The following NTM variants were observed in gnomAD, a reference collection of about 807,000 sequenced individuals.
The protein encoded by NTM is neurotrimin, also known as IgLON family member 2.
Under a neutral mutation model 42.1 loss-of-function variants are expected in NTM, and 13 were observed. That is an observed-to-expected ratio of 0.31 (90% CI 0.20 to 0.49). NTM has a LOEUF of 0.49. NTM is among the 20% of genes least tolerant of loss of function. NTM has a pLI of 0.99. For missense variants in NTM, 373 were observed against 452.8 expected, an observed-to-expected ratio of 0.82 and a Z score of 1.60; for synonymous variants, 187 against 179.2, an observed-to-expected ratio of 1.04 and a Z score of -0.35.
At chr11:131,613,952 A>ATTCTC (rs978320836) in intron 1 of NTM, among the ~76,000 whole-genome samples, 14 of 152,052 alleles carry the variant, frequency 9.2e-5, no homozygotes, top group Non-Finnish European at 7.4e-5. Flanking sequence ...TGTCTGTGAA[A>ATTCTC]TTCTCTTTCT....
intron 2 of NTM, among the ~76,000 whole-genome samples, chr11:132,001,204 G>T (rs974126693): frequency 3.3e-5 from 5 of 152,192 alleles, no homozygotes; most frequent in African/African-American, 9.7e-5. Context: ...TTTAAGTTTA[G>T]CAAATACTGA....
At chr11:132,204,799 C>A (rs1156625506) in intron 3 of NTM, among the ~76,000 whole-genome samples, 1 of 152,108 alleles carries the variant, frequency 6.6e-6, no homozygotes, top group African/African-American at 2.4e-5. Context: ...AAGGGAGGTC[C>A]TAACCAAGCA....
At chr11:131,770,043 A>G (rs1410806021) in intron 1 of NTM, among the ~76,000 whole-genome samples, 3 of 152,142 alleles carry the variant, frequency 2.0e-5, no homozygotes, top group Non-Finnish European at 2.9e-5. Context: ...AGTGAGAGGG[A>G]GAAGAGGGCC....
chr11:131,502,908 T>C (rs1219908994), intron 1 of NTM: 1 of 152,248 alleles, frequency 6.6e-6, no homozygotes, highest in Non-Finnish European at 1.5e-5. Flanking sequence ...GAAGTCATCA[T>C]ATCCATGGCG....
chr11:131,601,711 CAAATT>C (rs1359852637), intron 1 of NTM, among the ~76,000 whole-genome samples: 4 of 152,238 alleles, frequency 2.6e-5, no homozygotes, highest in Admixed American at 2.6e-4. Flanking sequence ...ACAAGTTTCT[CAAATT>C]GAATTGTGGC....
intron 2 of NTM, among the ~76,000 whole-genome samples, chr11:132,057,552 CA>C (rs1240764742): frequency 1.3e-5 from 2 of 152,210 alleles, no homozygotes; most frequent in African/African-American, 4.8e-5. Context: ...CCCCTTTCGC[CA>C]AACACTTCAT....
intron 1 of NTM, among the ~76,000 whole-genome samples, chr11:131,762,096 T>C (rs1166311591): frequency 6.6e-6 from 1 of 152,322 alleles, no homozygotes; most frequent in East Asian, 1.9e-4. Context: ...TGTGTTTTGC[T>C]ATAGCAGCCC....
At chr11:132,086,953 TA>T (rs1393210692) in intron 2 of NTM, among the ~76,000 whole-genome samples, 1 of 151,592 alleles carries the variant, frequency 6.6e-6, no homozygotes, top group African/African-American at 2.4e-5. Flanking sequence ...GACAGAGGAG[TA>T]AAAAAGAAGG....
intron 1 of NTM, among the ~76,000 whole-genome samples, chr11:131,639,175 G>A (rs1432444535): frequency 6.6e-6 from 1 of 152,224 alleles, no homozygotes; most frequent in Non-Finnish European, 1.5e-5. Flanking sequence ...GACAGTGGTA[G>A]TCACAGCAGT....
At chr11:131,927,229 A>G (rs2058064010) in intron 2 of NTM, among the ~76,000 whole-genome samples, 1 of 151,302 alleles carries the variant, frequency 6.6e-6, no homozygotes, top group African/African-American at 2.4e-5. Flanking sequence ...TTAACATTGC[A>G]TCCTAGGGCA....
intron 1 of NTM, among the ~76,000 whole-genome samples, chr11:131,679,134 A>C (rs1263543404): frequency 6.6e-6 from 1 of 152,106 alleles, no homozygotes; most frequent in Admixed American, 6.5e-5. Flanking sequence ...CGTTTGCTCC[A>C]TGATCTGCTC....
At chr11:131,576,566 A>G (rs530960346) in intron 1 of NTM, among the ~76,000 whole-genome samples, 2 of 152,200 alleles carry the variant, frequency 1.3e-5, no homozygotes, top group Admixed American at 1.3e-4. Flanking sequence ...GTTCACACCA[A>G]CCCTTCAACG....
At chr11:131,881,146 G>T (rs1445470621) in intron 1 of NTM, among the ~76,000 whole-genome samples, 1 of 152,100 alleles carries the variant, frequency 6.6e-6, no homozygotes, top group Non-Finnish European at 1.5e-5. Context: ...TCCTAAGGAG[G>T]CCTTCGCTCA....
chr11:131,967,353 C>A (rs1410026436), intron 2 of NTM, among the ~76,000 whole-genome samples: 1 of 152,124 alleles, frequency 6.6e-6, no homozygotes, highest in Non-Finnish European at 1.5e-5. Context: ...CAGTGGGGGG[C>A]AACTGATATA....
intron 2 of NTM, among the ~76,000 whole-genome samples, chr11:131,981,720 G>A (rs985164426): frequency 3.3e-5 from 5 of 152,128 alleles, no homozygotes; most frequent in African/African-American, 4.8e-5. Flanking sequence ...CTTGAAAGGA[G>A]AGAAAACAGG....
chr11:131,548,884 C>T (rs1387127606), intron 1 of NTM, among the ~76,000 whole-genome samples: 2 of 152,108 alleles, frequency 1.3e-5, no homozygotes, highest in African/African-American at 4.8e-5. Flanking sequence ...GAAAGGATAG[C>T]AATGAGGAAA....
chr11:132,094,954 C>A (rs1351180790), intron 2 of NTM, among the ~76,000 whole-genome samples: 1 of 152,198 alleles, frequency 6.6e-6, no homozygotes, highest in Non-Finnish European at 1.5e-5. Flanking sequence ...AGACAACTCT[C>A]AGCTTTTAGT....
At chr11:131,648,688 A>G (rs1216023390) in intron 1 of NTM, among the ~76,000 whole-genome samples, 1 of 152,186 alleles carries the variant, frequency 6.6e-6, no homozygotes, top group Admixed American at 6.5e-5. Context: ...TACAAACCCC[A>G]TTTCTTTGTA....
At chr11:131,567,487 G>GA (rs1033800157) in intron 1 of NTM, among the ~76,000 whole-genome samples, 6 of 151,508 alleles carry the variant, frequency 4.0e-5, no homozygotes, top group Admixed American at 6.6e-5. Flanking sequence ...GAATCTGTCT[G>GA]AAAAAAAAGA....
Sources: gnomAD v4.1 joint callset for allele counts (sites outside exome capture counted in the v4.1 genomes callset) on GRCh38, gnomAD v4.1.1 for gene constraint, MANE v1.5 for transcripts, NCBI Gene and HGNC (gene_info 2026-07-23, HGNC 2026-07-21) for gene names.